The following RNF103 variants were observed in gnomAD, a reference collection of about 807,000 sequenced individuals.
RNF103 encodes the protein E3 ubiquitin-protein ligase RNF103.
Under a neutral mutation model 66.2 loss-of-function variants are expected in RNF103, and 23 were observed. The observed-to-expected ratio is 0.35, with a 90% CI of 0.25 to 0.49. The LOEUF (loss-of-function observed/expected upper bound fraction) is 0.49, where lower values mean the gene tolerates loss of function less well. Among genes scored for constraint, RNF103 ranks in the 20% least tolerant of loss-of-function variants. The pLI is 0.98. For missense variants in RNF103, 730 were observed against 814.7 expected, an observed-to-expected ratio of 0.90 and a Z score of 1.27; for synonymous variants, 297 against 289.9, an observed-to-expected ratio of 1.02 and a Z score of -0.25.
intron 1 of RNF103, 111 bp downstream of exon 1, chr2:86,622,550 C>G: frequency 9.4e-7 from 1 of 1,063,536 alleles, no homozygotes; most frequent in East Asian, 2.4e-5. Flanking sequence ...ACCTGGGCAG[C>G]TTTAACGCTT....
rs1678426145 is a variant in RNF103 at position 86,603,571 on chromosome 2, G to C, written c.*272C>G. 4.7e-6 allele frequency: 2 copies of C among 428,220 alleles called. No individual in the cohort carries two copies. The allele number at this position is 428,220 out of a possible 1,614,324, so 26.5% of individuals were successfully genotyped here. On this transcript the variant is annotated 3_prime_UTR_variant, in exon 4 of 4. Coordinates refer to ENST00000237455, the MANE Select transcript of RNF103 (RefSeq NM_005667.4). ...ATCCTATCTTGTAAAGTCTTGCTAG[G>C]ATAAATTTCTATAATACTTCTTTTG...
intron 2 of RNF103, among the ~76,000 whole-genome samples, chr2:86,615,612 A>C (rs1221397627): frequency 6.6e-6 from 1 of 151,654 alleles, no homozygotes; most frequent in Non-Finnish European, 1.5e-5. Flanking sequence ...AGAAGGATGC[A>C]TGATGATTCT....
intron 3 of RNF103, among the ~76,000 whole-genome samples, chr2:86,610,843 G>A (rs1000497635): frequency 6.6e-5 from 10 of 152,134 alleles, no homozygotes; most frequent in African/African-American, 2.4e-4. Context: ...GATGGAATCA[G>A]ATCAAATCCT....
chr2:86,614,989 G>A (rs1238954417), intron 2 of RNF103: 1 of 985,242 alleles, frequency 1.0e-6, no homozygotes, highest in Non-Finnish European at 1.2e-6. Flanking sequence ...TCCTAAGTCT[G>A]GAGGCATCTT....
chr2:86,618,133 T>A, intron 2 of RNF103: 1 of 297,258 alleles, frequency 3.4e-6, no homozygotes, highest in South Asian at 2.6e-5. Context: ...TTTAAAAATA[T>A]TTTCAGAGAA....
intron 3 of RNF103, among the ~76,000 whole-genome samples, chr2:86,608,977 G>A (rs1678678252): frequency 6.6e-6 from 1 of 152,138 alleles, no homozygotes; most frequent in South Asian, 2.1e-4. Context: ...TGTTCTTAAG[G>A]GAGCTACTCT....
intron 2 of RNF103, chr2:86,617,401 G>A (rs962241051): frequency 1.2e-5 from 8 of 646,892 alleles, no homozygotes; most frequent in African/African-American, 9.9e-5. Context: ...TTAGATATTC[G>A]GAGAGAGAGA....
intron 3 of RNF103, among the ~76,000 whole-genome samples, chr2:86,611,477 A>T (rs1678788776): frequency 6.6e-6 from 1 of 152,224 alleles, no homozygotes; most frequent in African/African-American, 2.4e-5. Flanking sequence ...AGAAATGGAA[A>T]AAAAGGCATT....
Position 86,605,209 on chromosome 2 carries a change from T to C in RNF103, c.692A>G (p.Asp231Gly), listed in dbSNP as rs367619971. 150 of 1,613,862 alleles carry C rather than the reference T, an allele frequency of 9.3e-5. No individual in the cohort carries two copies. The highest frequency in any genetic ancestry group is 1.2e-4 in the Non-Finnish European group (142 of 1,180,048). The change falls in exon 4 of 4, where the codon GAT (aspartate) becomes GGT (glycine). Residue 231 changes from aspartate (D) to glycine (G), a missense_variant. Coordinates refer to ENST00000237455, the MANE Select transcript of RNF103 (RefSeq NM_005667.4). ...EHLKEEWNKSDQYWLKIYLFA... is the reference protein window; with the variant it reads ...EHLKEEWNKSGQYWLKIYLFA... ...TAGGTATATTTTTAACCAATACTGA[T>C]CACTTTTATTCCATTCTTCTTTCAA...
chr2:86,622,917 G>C lies in RNF103; in HGVS notation c.-31C>G, dbSNP rs570918825. On this transcript the variant is annotated 5_prime_UTR_variant, in exon 1 of 4. Transcript: ENST00000237455. ...CTGGAGTTTCCTCTCTTTCCAGAGA[G>C]CTCGGAATACGGGAGAGAGAAGGGT... The C allele has an allele frequency of 6.4e-7, 1 of 1,560,348 alleles. No individual in the cohort carries two copies. The highest frequency in any genetic ancestry group is 2.4e-5 in the East Asian group (1 of 41,514).
intron 2 of RNF103, chr2:86,617,984 A>G (rs1313132269): frequency 4.1e-6 from 2 of 487,208 alleles, no homozygotes; most frequent in Non-Finnish European, 7.8e-6. Context: ...CAAGCCAGAC[A>G]GTGGTGGTCA....
chr2:86,604,301 C>A lies in RNF103; in HGVS notation c.1600G>T (p.Asp534Tyr), dbSNP rs780240253. ...TCACTTTCCGAGTCATTTTCAGTAT[C>A]TTGAGACCCCTCCGACATTTCCTCT... ...SEEEMSEGSQDTENDSESENT... is the reference protein window; with the variant it reads ...SEEEMSEGSQYTENDSESENT... The change falls in exon 4 of 4, where the codon GAT (aspartate) becomes TAT (tyrosine). Residue 534 changes from aspartate to tyrosine, a missense_variant. Coordinates refer to ENST00000237455, the MANE Select transcript of RNF103 (RefSeq NM_005667.4). The A allele has an allele frequency of 1.2e-6, 2 of 1,614,216 alleles. No homozygotes were observed. Among genetic ancestry groups the A allele is most frequent in the East Asian group, 4.5e-5 (2 of 44,896 alleles).
chr2:86,609,339 G>A (rs1314800642), intron 3 of RNF103, among the ~76,000 whole-genome samples: 2 of 151,654 alleles, frequency 1.3e-5, no homozygotes, highest in Admixed American at 6.6e-5. Flanking sequence ...GCAGAACAGT[G>A]AGCTAAATAA....
chr2:86,608,416 G>A (rs1254312617), intron 3 of RNF103, among the ~76,000 whole-genome samples: 1 of 150,400 alleles, frequency 6.6e-6, no homozygotes, highest in Admixed American at 6.6e-5. Flanking sequence ...GAACCCAGTA[G>A]GCTGAGGTTG....
At chr2:86,615,258 C>T (rs1431433975) in intron 2 of RNF103, 2 of 984,996 alleles carry the variant, frequency 2.0e-6, no homozygotes, top group Admixed American at 6.2e-5. Flanking sequence ...ACTGACAGAG[C>T]TACACAAAAA....
rs752722003 is a variant in RNF103 at position 86,612,176 on chromosome 2, G to A, written c.465C>T (p.Asn155=). The part of the protein sequence containing the change: ...SRFGIRTGTF[N]CSSDPRYCRR... The stretch of plus-strand genomic sequence containing the variant: ...CAACTTACCTGGGATCACTGGAACA[G>A]TTAAATGTGCCTGTACGTATTCCAA... Residue 155 remains asparagine, a synonymous_variant, in exon 3 of 4, where the codon AAC becomes AAT. Transcript: ENST00000237455. 26 of 1,610,738 alleles carry A rather than the reference G, an allele frequency of 1.6e-5. No homozygotes were observed. Among genetic ancestry groups the A allele is most frequent in the South Asian group, 5.5e-5 (5 of 90,142 alleles).
intron 2 of RNF103, chr2:86,616,860 T>C (rs1177051823): frequency 1.0e-6 from 1 of 985,266 alleles, no homozygotes; most frequent in Admixed American, 6.1e-5. Flanking sequence ...ACCCATAAAT[T>C]ATGCTAACTT....
chr2:86,619,562 TA>T (rs1298589506), intron 2 of RNF103, among the ~76,000 whole-genome samples: 21 of 152,228 alleles, frequency 1.4e-4, no homozygotes, highest in Non-Finnish European at 3.1e-4. Context: ...ATTTACTTGA[TA>T]TGTCACTTTG....
At position 86,623,849 on chromosome 2, in the gene RNF103, C is replaced by G; in HGVS notation, c.-963G>C. Reference sequence around the variant, plus strand: ...ACCGTGTATCAGCGGCGGCCGCGGCCGGAGCCGAGACATAACAACTGACGT... The same window carrying G: ...ACCGTGTATCAGCGGCGGCCGCGGCGGGAGCCGAGACATAACAACTGACGT... On this transcript the variant is annotated 5_prime_UTR_variant, in exon 1 of 4. Coordinates refer to ENST00000237455, the MANE Select transcript of RNF103 (RefSeq NM_005667.4). The G allele has an allele frequency of 7.8e-7, 1 of 1,287,876 alleles. No homozygotes were observed. Among genetic ancestry groups the G allele is most frequent in the Non-Finnish European group, 1.0e-6 (1 of 988,306 alleles). 79.8% of individuals were successfully genotyped at this position (1,287,876 alleles called of 1,614,324 possible).
Sources: allele counts gnomAD v4.1 joint callset (sites outside exome capture counted in the v4.1 genomes callset), GRCh38; gene constraint gnomAD v4.1.1; transcripts MANE v1.5; gene names NCBI Gene and HGNC (gene_info 2026-07-23, HGNC 2026-07-21).